PSD3: variants seen among roughly 807,000 people sequenced by gnomAD.
PSD3 encodes pleckstrin and Sec7 domain containing 3, also known as PH and SEC7 domain-containing protein 3.
A neutral mutation model predicts 105.5 loss-of-function variants in PSD3; 49 were observed. That is an observed-to-expected ratio of 0.46 (90% confidence interval 0.37 to 0.59). The LOEUF (loss-of-function observed/expected upper bound fraction) is 0.59, where lower values mean the gene tolerates loss of function less well. Among genes scored for constraint, PSD3 ranks in the 20% least tolerant of loss-of-function variants. The pLI, the probability that PSD3 is intolerant of heterozygous loss-of-function variation, is 0.00. For missense variants in PSD3, 1,561 were observed against 1,263.8 expected (o/e 1.24, Z -3.57); for synonymous variants, 557 against 457.8 (o/e 1.22, Z -2.77).
intron 1 of PSD3, among the ~76,000 whole-genome samples, chr8:18,986,727 G>A (rs933748387): frequency 6.6e-6 from 1 of 151,950 alleles, no homozygotes; most frequent in Admixed American, 6.6e-5. Context: ...TAAACCCAAC[G>A]GGCTAACGTA....
intron 4 of PSD3, among the ~76,000 whole-genome samples, chr8:18,855,376 C>G (rs1010184929): frequency 3.3e-5 from 5 of 152,022 alleles, no homozygotes; most frequent in Admixed American, 3.3e-4. Context: ...CTGTGCACAT[C>G]GCCATGCTGT....
intron 9 of PSD3, among the ~76,000 whole-genome samples, chr8:18,721,983 C>T (rs1411375494): frequency 1.3e-5 from 2 of 152,170 alleles, no homozygotes; most frequent in Admixed American, 6.5e-5. Context: ...TGATGACTAA[C>T]AACACATTTG....
At chr8:18,853,648 C>A (rs970048161) in intron 4 of PSD3, among the ~76,000 whole-genome samples, 1 of 152,138 alleles carries the variant, frequency 6.6e-6, no homozygotes, top group Admixed American at 6.5e-5. Context: ...ACTAACAGCA[C>A]AGCCAACTTT....
chr8:19,016,819 C>T (rs1466672164), upstream of PSD3, among the ~76,000 whole-genome samples: 1 of 152,066 alleles, frequency 6.6e-6, no homozygotes, highest in South Asian at 2.1e-4. Context: ...GCACAAGAGA[C>T]GGGAAGCAAA....
chr8:18,646,380 G>A (rs185388518), intron 10 of PSD3, among the ~76,000 whole-genome samples: 36 of 152,090 alleles, frequency 2.4e-4, no homozygotes, highest in African/African-American at 8.4e-4. Context: ...ATTTAATGTA[G>A]TAAGTCATTG....
chr8:18,592,613 G>A (rs1803693855), intron 12 of PSD3, among the ~76,000 whole-genome samples: 1 of 152,144 alleles, frequency 6.6e-6, no homozygotes, highest in Non-Finnish European at 1.5e-5. Context: ...AAAGAAAAGT[G>A]ATTGGTCTGT....
chr8:18,606,502 A>T (rs1804842276), intron 11 of PSD3, among the ~76,000 whole-genome samples: 1 of 152,226 alleles, frequency 6.6e-6, no homozygotes, highest in African/African-American at 2.4e-5. Flanking sequence ...TTATTATGGG[A>T]GAGTTTCAGA....
At chr8:19,043,714 AG>A (rs1828213433) in intron 1 of PSD3, among the ~76,000 whole-genome samples, 1 of 152,142 alleles carries the variant, frequency 6.6e-6, no homozygotes, top group Non-Finnish European at 1.5e-5. Flanking sequence ...GGCTTTTGAG[AG>A]TAGGCTCCTT....
chr8:18,879,326 C>T (rs1056321590), intron 2 of PSD3, among the ~76,000 whole-genome samples: 1 of 152,108 alleles, frequency 6.6e-6, no homozygotes, highest in Non-Finnish European at 1.5e-5. Flanking sequence ...CAAAGCCCTG[C>T]GTGACAGATT....
Position 18,587,219 on chromosome 8 carries a change from G to A in PSD3, c.2482-11934C>T, listed in dbSNP as rs563323839. Among the ~76,000 whole-genome samples, 52 of 152,248 alleles carry A rather than the reference G, an allele frequency of 3.4e-4. No individual in the cohort carries two copies. In the South Asian group the frequency reaches 6.6e-3, roughly 19 times the overall value. On this transcript the variant is annotated intron_variant, in intron 12 of 15. Coordinates refer to ENST00000327040, the MANE Select transcript of PSD3 (RefSeq NM_015310.4). ...GTCACATGCCCCACACAGGTCCTGTGAGGAGGGCTGCTTAGCATGGGGGAC... is the reference window on the plus strand; with the variant it reads ...GTCACATGCCCCACACAGGTCCTGTAAGGAGGGCTGCTTAGCATGGGGGAC...
At chr8:19,078,886 A>T (rs1354652355) in intron 1 of PSD3, among the ~76,000 whole-genome samples, 2 of 151,512 alleles carry the variant, frequency 1.3e-5, no homozygotes, top group Non-Finnish European at 2.9e-5. Flanking sequence ...AAGACTGAAG[A>T]ATGGGCAAGC....
chr8:18,732,379 T>C (rs945130096), intron 9 of PSD3, among the ~76,000 whole-genome samples: 2 of 152,222 alleles, frequency 1.3e-5, no homozygotes, highest in Non-Finnish European at 2.9e-5. Flanking sequence ...TGTAACAAGC[T>C]ACCCCAAAAG....
chr8:18,821,867 ACACAC>A (rs1427822251), intron 4 of PSD3, among the ~76,000 whole-genome samples: 2,771 of 58,972 alleles, frequency 0.047, 58 homozygotes, highest in African/African-American at 0.12. Context: ...ACACATGCAC[ACACAC>A]CACACACACA....
At chr8:18,772,041 T>G (rs577473834) in intron 8 of PSD3, among the ~76,000 whole-genome samples, 2 of 152,358 alleles carry the variant, frequency 1.3e-5, no homozygotes, top group African/African-American at 4.8e-5. Context: ...TCATCCATGT[T>G]GTAGCATGTG....
chr8:18,897,554 T>C (rs1045977912), intron 2 of PSD3, among the ~76,000 whole-genome samples: 1 of 152,196 alleles, frequency 6.6e-6, no homozygotes, highest in Non-Finnish European at 1.5e-5. Context: ...CACTGGTACT[T>C]TGATAGGGAA....
chr8:18,600,983 T>C (rs1268416917), intron 11 of PSD3, among the ~76,000 whole-genome samples: 1 of 152,248 alleles, frequency 6.6e-6, no homozygotes, highest in East Asian at 1.9e-4. Flanking sequence ...TGCATATCTC[T>C]ACTGAGGATC....
chr8:18,588,636 C>T (rs1803367000), intron 12 of PSD3, among the ~76,000 whole-genome samples: 1 of 152,142 alleles, frequency 6.6e-6, no homozygotes, highest in South Asian at 2.1e-4. Context: ...CCAACTTTGC[C>T]CAAATGCACA....
rs114990506 is a variant in PSD3, at chr8:18,633,715, T to A, written c.2217-909A>T. ...TTTGCTACTGTGAATAGGGCTGCAATAAACCTATGAGTGCATGTGTCTTTT... is the reference window on the plus strand; with the variant it reads ...TTTGCTACTGTGAATAGGGCTGCAAAAAACCTATGAGTGCATGTGTCTTTT... On this transcript the variant is annotated intron_variant, in intron 10 of 15. Coordinates refer to ENST00000327040, the MANE Select transcript of PSD3 (RefSeq NM_015310.4). Among the ~76,000 whole-genome samples the A allele has an allele frequency of 5.6e-3, 852 of 152,212 alleles. 8 individuals carry two copies. The highest frequency in any genetic ancestry group is 0.02 in the African/African-American group (827 of 41,550).
In PSD3 at chr8:19,057,739, G is replaced by T. The variant is rs1280749851; in HGVS notation, c.324+26467C>A. 2.0e-5 allele frequency among the ~76,000 whole-genome samples: 3 copies of T among 152,066 alleles called. No individual in the cohort carries two copies. The East Asian group carries it at 5.8e-4, about 29-fold the overall frequency. On this transcript the variant is annotated intron_variant, in intron 1 of 1. Transcript: ENST00000521475. ...GTGAAATAAATTCCAAAACCATGAT[G>T]AGATACCACTACACATTTATTAGAA...
Sources: allele counts gnomAD v4.1 joint callset (sites outside exome capture counted in the v4.1 genomes callset), GRCh38; gene constraint gnomAD v4.1.1; transcripts MANE v1.5; gene names NCBI Gene and HGNC (gene_info 2026-07-23, HGNC 2026-07-21).